The following CAMKMT variants were observed in gnomAD, a reference collection of about 807,000 sequenced individuals.
CAMKMT encodes the protein CaM KMT.
In CAMKMT, 53 loss-of-function variants were observed where a neutral mutation model predicts 48.0. The observed-to-expected ratio is 1.10, with a 90% confidence interval of 0.89 to 1.39. CAMKMT has a LOEUF of 1.39. Among genes scored for constraint, CAMKMT ranks in the 40% most tolerant of loss-of-function variants. The pLI is 0.00. For missense variants in CAMKMT, 428 were observed against 402.7 expected, an observed-to-expected ratio of 1.06 and a Z score of -0.54; for synonymous variants, 165 against 152.3, an observed-to-expected ratio of 1.08 and a Z score of -0.61.
chr2:44,408,311 A>G (rs897315393), intron 3 of CAMKMT, among the ~76,000 whole-genome samples: 116 of 152,212 alleles, frequency 7.6e-4, no homozygotes, highest in African/African-American at 2.7e-3. Context: ...GGCGTGAGCC[A>G]CCGCGCCTGG....
At chr2:44,608,239 A>AT (rs1229601067) in intron 3 of CAMKMT, among the ~76,000 whole-genome samples, 3 of 151,534 alleles carry the variant, frequency 2.0e-5, no homozygotes, top group African/African-American at 7.3e-5. Context: ...CGCCTGGCTA[A>AT]TTTTTTGTAT....
At chr2:44,437,719 A>T (rs1666356292) in intron 3 of CAMKMT, among the ~76,000 whole-genome samples, 2 of 151,590 alleles carry the variant, frequency 1.3e-5, no homozygotes, top group African/African-American at 4.8e-5. Flanking sequence ...CGTGGTGCAT[A>T]CTTGTAGACC....
chr2:44,754,274 C>A (rs1295633241), intron 9 of CAMKMT, among the ~76,000 whole-genome samples, 156 bp downstream of exon 9: 1 of 152,176 alleles, frequency 6.6e-6, no homozygotes, highest in Non-Finnish European at 1.5e-5. Context: ...CTATTAGATT[C>A]TTTCCTAATC....
chr2:44,673,385 C>T (rs867154047), intron 3 of CAMKMT, among the ~76,000 whole-genome samples: 46 of 146,444 alleles, frequency 3.1e-4, no homozygotes, highest in Admixed American at 1.2e-3. Flanking sequence ...CATGATTGCA[C>T]GCCACTGCAC....
At chr2:44,491,211 G>C (rs1669486166) in intron 3 of CAMKMT, among the ~76,000 whole-genome samples, 1 of 151,158 alleles carries the variant, frequency 6.6e-6, no homozygotes, top group East Asian at 1.9e-4. Flanking sequence ...CAAACTCTTA[G>C]CTATTTCTAT....
At chr2:44,390,368 A>T in intron 3 of CAMKMT, 63 bp downstream of exon 3, 1 of 1,200,586 alleles carries the variant, frequency 8.3e-7, no homozygotes, top group Middle Eastern at 2.1e-4. Flanking sequence ...TTTATAGTTG[A>T]TGTTTTCTTC....
intron 3 of CAMKMT, among the ~76,000 whole-genome samples, chr2:44,645,452 T>C (rs943886174): frequency 6.6e-6 from 1 of 152,132 alleles, no homozygotes; most frequent in Middle Eastern, 3.2e-3. Context: ...TAGGAAGTTT[T>C]GGAGAGGTTT....
chr2:44,606,870 T>G (rs1007839781), intron 3 of CAMKMT, among the ~76,000 whole-genome samples: 2 of 151,994 alleles, frequency 1.3e-5, no homozygotes, highest in African/African-American at 4.8e-5. Context: ...ATTAAAAGTT[T>G]ACTGCAGCTG....
chr2:44,673,707 G>T (rs786180), intron 3 of CAMKMT, among the ~76,000 whole-genome samples: 1 of 151,972 alleles, frequency 6.6e-6, no homozygotes, highest in Non-Finnish European at 1.5e-5. Context: ...CAAAATAAGC[G>T]TTAAGGAAAG....
chr2:44,406,643 C>A (rs1682799198), intron 3 of CAMKMT, among the ~76,000 whole-genome samples: 1 of 152,220 alleles, frequency 6.6e-6, no homozygotes, highest in African/African-American at 2.4e-5. Context: ...GTTGCCCAGG[C>A]TGGAATGCAG....
At chr2:44,707,484 A>T (rs757029419) in intron 6 of CAMKMT, 22 bp downstream of exon 6, 1 of 1,606,404 alleles carries the variant, frequency 6.2e-7, no homozygotes, top group South Asian at 1.1e-5. Flanking sequence ...CAGATAGAAA[A>T]CGGGTTTGTT....
At chr2:44,637,980 G>A (rs1231712032) in intron 3 of CAMKMT, among the ~76,000 whole-genome samples, 2 of 150,034 alleles carry the variant, frequency 1.3e-5, no homozygotes, top group Non-Finnish European at 3.0e-5. Flanking sequence ...CAGGAGAATC[G>A]CTTGAACTCG....
chr2:44,445,728 A>T (rs1666958323), intron 3 of CAMKMT, among the ~76,000 whole-genome samples: 1 of 136,738 alleles, frequency 7.3e-6, no homozygotes, highest in African/African-American at 2.8e-5. Flanking sequence ...CTCCCCATGC[A>T]AACTGGTAAA....
chr2:44,496,717 G>A (rs563714946), intron 3 of CAMKMT, among the ~76,000 whole-genome samples: 9 of 152,332 alleles, frequency 5.9e-5, no homozygotes, highest in African/African-American at 2.2e-4. Flanking sequence ...AGATAAATGT[G>A]TAGTCACAAA....
intron 3 of CAMKMT, among the ~76,000 whole-genome samples, chr2:44,572,067 C>A (rs1668937057): frequency 6.6e-6 from 1 of 152,044 alleles, no homozygotes; most frequent in African/African-American, 2.4e-5. Flanking sequence ...TGTTGTTGTG[C>A]AACCATCACC....
chr2:44,665,788 C>G (rs1674934255), intron 3 of CAMKMT, among the ~76,000 whole-genome samples: 1 of 152,178 alleles, frequency 6.6e-6, no homozygotes, highest in African/African-American at 2.4e-5. Context: ...AGTCAAGGAT[C>G]AGAGCTGCAA....
intron 5 of CAMKMT, among the ~76,000 whole-genome samples, chr2:44,707,129 G>A (rs754933755): frequency 2.0e-5 from 3 of 151,724 alleles, no homozygotes; most frequent in Non-Finnish European, 4.4e-5. Context: ...ACAAATGAAA[G>A]CCTCTCAGAA....
At chr2:44,491,986 A>C (rs1004247044) in intron 3 of CAMKMT, among the ~76,000 whole-genome samples, 1 of 152,158 alleles carries the variant, frequency 6.6e-6, no homozygotes, top group South Asian at 2.1e-4. Context: ...CAGCTGATGA[A>C]CTTTTTGAAA....
At chr2:44,476,949 A>G (rs1035175916) in intron 3 of CAMKMT, among the ~76,000 whole-genome samples, 20 of 152,304 alleles carry the variant, frequency 1.3e-4, no homozygotes, top group East Asian at 5.8e-4. Flanking sequence ...CAAATGGCTT[A>G]TTACTGAAGT....
Sources: gnomAD v4.1 joint callset for allele counts (sites outside exome capture counted in the v4.1 genomes callset) on GRCh38, gnomAD v4.1.1 for gene constraint, MANE v1.5 for transcripts, NCBI Gene and HGNC (gene_info 2026-07-23, HGNC 2026-07-21) for gene names.